The following DHRSX variants were observed in gnomAD, a reference collection of about 807,000 sequenced individuals.
The protein encoded by DHRSX is dehydrogenase/reductase X-linked.
Under a neutral mutation model 34.0 loss-of-function variants are expected in DHRSX, and 31 were observed. The observed-to-expected ratio is 0.91, with a 90% CI of 0.69 to 1.23. The LOEUF (loss-of-function observed/expected upper bound fraction) is 1.23, where lower values mean the gene tolerates loss of function less well. Ranked by LOEUF, DHRSX falls within the 50% of genes most tolerant of loss-of-function variation. The pLI is 0.00. For missense variants in DHRSX, 414 were observed against 428.1 expected (o/e 0.97, Z 0.29); for synonymous variants, 201 against 183.8 (o/e 1.09, Z -0.76).
At chrX:2,487,903 T>A (rs1342734340) in intron 1 of DHRSX, 1 of 151,800 alleles carries the variant, frequency 6.6e-6, no homozygotes, top group Admixed American at 6.6e-5. Flanking sequence ...AATGTAAACA[T>A]GAATTCAGTG....
chrX:2,291,896 ATTTTTTTT>A (rs928376249), intron 3 of DHRSX, among the ~76,000 whole-genome samples: 2 of 96,146 alleles, frequency 2.1e-5, no homozygotes, highest in South Asian at 7.2e-4. Flanking sequence ...GTATTTTTGT[ATTTTTTTT>A]TTTTTTTTTT....
intron 1 of DHRSX, among the ~76,000 whole-genome samples, chrX:2,445,902 C>G (rs1603102621): frequency 1.3e-5 from 2 of 151,678 alleles, no homozygotes; most frequent in African/African-American, 4.8e-5. Flanking sequence ...AAGATGTTCC[C>G]TAAGAATGTG....
At chrX:2,495,372 G>A (rs1980097257) in intron 1 of DHRSX, among the ~76,000 whole-genome samples, 1 of 151,820 alleles carries the variant, frequency 6.6e-6, no homozygotes, top group South Asian at 2.1e-4. Flanking sequence ...TAATATTATT[G>A]TTATTATTTA....
chrX:2,499,503 C>T (rs1484438759), intron 1 of DHRSX, among the ~76,000 whole-genome samples: 1 of 152,208 alleles, frequency 6.6e-6, no homozygotes, highest in Admixed American at 6.5e-5. Context: ...GGCACAGTGG[C>T]GCTCTGTCTG....
intron 1 of DHRSX, among the ~76,000 whole-genome samples, chrX:2,442,619 C>G (rs2044077593): frequency 6.6e-6 from 1 of 151,826 alleles, no homozygotes; most frequent in Non-Finnish European, 1.5e-5. Context: ...CATACCCTTC[C>G]CAGTGCCACA....
At chrX:2,364,459 T>A (rs2042975128) in intron 3 of DHRSX, among the ~76,000 whole-genome samples, 1 of 152,210 alleles carries the variant, frequency 6.6e-6, no homozygotes, top group South Asian at 2.1e-4. Flanking sequence ...ATTGTATGCA[T>A]ATGTGATCCA....
At chrX:2,424,859 G>C (rs1158058160) in intron 2 of DHRSX, among the ~76,000 whole-genome samples, 1 of 152,104 alleles carries the variant, frequency 6.6e-6, no homozygotes, top group East Asian at 1.9e-4. Context: ...AACTAACTCT[G>C]CCAGGCGCAG....
In DHRSX at chrX:2,254,520, C is replaced by T. The variant is rs555856655; in HGVS notation, c.597-11290G>A. On this transcript the variant is annotated intron_variant, in intron 5 of 6. Coordinates refer to ENST00000334651, the MANE Select transcript of DHRSX (RefSeq NM_145177.3). Reference sequence around the variant, plus strand: ...ATTTTCCCTTTGGCAGTACAAACAACTCCATTACATTCTTTCTAGGATATC... The same window carrying T: ...ATTTTCCCTTTGGCAGTACAAACAATTCCATTACATTCTTTCTAGGATATC... 2.6e-5 allele frequency among the ~76,000 whole-genome samples: 4 copies of T among 152,290 alleles called. No homozygotes were observed. In the East Asian group the frequency reaches 7.7e-4, roughly 29 times the overall value.
At chrX:2,269,672 G>A (rs191636843) in intron 4 of DHRSX, among the ~76,000 whole-genome samples, 2 of 152,220 alleles carry the variant, frequency 1.3e-5, no homozygotes, top group East Asian at 3.9e-4. Flanking sequence ...GAGTAGCTGG[G>A]ATTACAGGCA....
intron 1 of DHRSX, among the ~76,000 whole-genome samples, chrX:2,468,304 G>A (rs1173235432): frequency 6.6e-6 from 1 of 150,824 alleles, no homozygotes; most frequent in Non-Finnish European, 1.5e-5. Flanking sequence ...GCAGGGGAAG[G>A]AATGAATGCG....
intron 1 of DHRSX, among the ~76,000 whole-genome samples, chrX:2,438,970 C>A (rs1044816445): frequency 5.9e-5 from 9 of 151,702 alleles, no homozygotes; most frequent in South Asian, 2.1e-4. Flanking sequence ...CATGGTAAAA[C>A]CCTGTCTCTA....
intron 2 of DHRSX, among the ~76,000 whole-genome samples, chrX:2,423,369 T>C (rs1415178115): frequency 6.6e-6 from 1 of 151,748 alleles, no homozygotes; most frequent in Non-Finnish European, 1.5e-5. Flanking sequence ...GCCGAGGTCG[T>C]GTCACTGCAT....
chrX:2,284,325 C>G (rs776485638), intron 4 of DHRSX, among the ~76,000 whole-genome samples: 1 of 151,488 alleles, frequency 6.6e-6, no homozygotes, highest in South Asian at 2.1e-4. Flanking sequence ...TTCATTCATT[C>G]CTCTGAATTC....
At chrX:2,262,264 C>T (rs1032770419) in intron 5 of DHRSX, among the ~76,000 whole-genome samples, 1 of 152,206 alleles carries the variant, frequency 6.6e-6, no homozygotes, top group Non-Finnish European at 1.5e-5. Context: ...CTGAGAAACA[C>T]GCATGTCTTC....
At chrX:2,253,985 C>T (rs921370753) in intron 5 of DHRSX, among the ~76,000 whole-genome samples, 9 of 151,840 alleles carry the variant, frequency 5.9e-5, no homozygotes, top group South Asian at 2.1e-4. Context: ...GGCGTGAACC[C>T]GGAAGGCGGA....
At chrX:2,233,255 G>A (rs1338294441) in intron 6 of DHRSX, among the ~76,000 whole-genome samples, 1 of 152,104 alleles carries the variant, frequency 6.6e-6, no homozygotes, top group African/African-American at 2.4e-5. Flanking sequence ...ATGATGAAGT[G>A]GGCTTGCTTG....
At chrX:2,435,346 GTAT>G (rs1396011345) in intron 1 of DHRSX, among the ~76,000 whole-genome samples, 1 of 151,954 alleles carries the variant, frequency 6.6e-6, no homozygotes, top group African/African-American at 2.4e-5. Context: ...TTGTGACATG[GTAT>G]TATTGCTTTC....
intron 3 of DHRSX, among the ~76,000 whole-genome samples, chrX:2,360,544 C>G (rs754047836): frequency 2.6e-5 from 4 of 152,208 alleles, no homozygotes; most frequent in East Asian, 1.9e-4. Flanking sequence ...GATCGCGCCA[C>G]TGCACTCCAG....
Position 2,469,236 on chromosome X carries a change from G to T in DHRSX, c.109+31581C>A, listed in dbSNP as rs188777245. Among the ~76,000 whole-genome samples, 26 of 149,484 alleles carry T rather than the reference G, an allele frequency of 1.7e-4. No individual in the cohort carries two copies. In the South Asian group the frequency reaches 4.5e-3, roughly 26 times the overall value. ...TCCCTAGGCATGTGGCCAAGGGACC[G>T]CACTGAAGAAGTCCCCTAAGCATGC... On this transcript the variant is annotated intron_variant, in intron 1 of 6. Transcript: ENST00000334651.
Sources: allele counts gnomAD v4.1 joint callset (sites outside exome capture counted in the v4.1 genomes callset), GRCh38; gene constraint gnomAD v4.1.1; transcripts MANE v1.5; gene names NCBI Gene and HGNC (gene_info 2026-07-23, HGNC 2026-07-21).